Variants in PHF21A observed in about 807,000 individuals in gnomAD.
PHF21A encodes BHC80a.
PHF21A carries 11 observed loss-of-function variants against 82.5 expected under a neutral mutation model. The observed-to-expected ratio is 0.13, with a 90% CI of 0.08 to 0.22. PHF21A has a LOEUF of 0.22. PHF21A is among the 10% of genes least tolerant of loss of function. PHF21A has a pLI of 1.00. For synonymous variants in PHF21A, 297 were observed against 302.8 expected (o/e 0.98, Z 0.20); for missense variants, 579 against 837.8 (o/e 0.69, Z 3.81).
chr11:45,958,445 TATATAC>T (rs1270012302), intron 10 of PHF21A, among the ~76,000 whole-genome samples: 6 of 15,386 alleles, frequency 3.9e-4, no homozygotes, highest in Admixed American at 1.3e-3. Flanking sequence ...TATATATATA[TATATAC>T]ACACACACAC....
chr11:46,052,680 CATT>C (rs1342844275), intron 6 of PHF21A, among the ~76,000 whole-genome samples: 3 of 152,194 alleles, frequency 2.0e-5, no homozygotes, highest in South Asian at 2.1e-4. Context: ...GATAAGAAAA[CATT>C]ATATTTCTAC....
intron 17 of PHF21A, among the ~76,000 whole-genome samples, chr11:45,936,270 C>A (rs570920977): frequency 3.2e-4 from 48 of 152,200 alleles, no homozygotes; most frequent in African/African-American, 1.1e-3. Context: ...TACAGTGAGA[C>A]CTTGTCTCAA....
In PHF21A at chr11:45,971,221, G is replaced by A. The variant is rs1211900919; in HGVS notation, c.507C>T (p.Leu169=). ...VTAINSQKAV[L]STDVQNTPVN... ...CTGGTGTGTTCTGCACATCAGTGCT[G>A]AGCACAGCCTTCTGACTGTTGATGG... is the stretch of plus-strand genomic sequence containing the variant. The change falls in exon 8 of 19, where the codon CTC becomes CTT. Residue 169 remains leucine (L), a synonymous_variant. Transcript: ENST00000676320. 7 of 1,614,172 alleles carry A rather than the reference G, an allele frequency of 4.3e-6. No homozygotes were observed. The highest frequency in any genetic ancestry group is 1.7e-5 in the Admixed American group (1 of 60,020).
chr11:45,980,206 A>G (rs2094218591), intron 6 of PHF21A, among the ~76,000 whole-genome samples: 2 of 152,180 alleles, frequency 1.3e-5, no homozygotes, highest in South Asian at 4.1e-4. Flanking sequence ...CAAATGAAAA[A>G]TCTGAAGGAG....
chr11:46,037,131 T>C (rs923490101), intron 6 of PHF21A, among the ~76,000 whole-genome samples: 4 of 152,218 alleles, frequency 2.6e-5, no homozygotes, highest in African/African-American at 9.6e-5. Flanking sequence ...GACTCATTTT[T>C]TGGTTTTGTT....
At chr11:45,985,316 T>C (rs2094454489) in intron 6 of PHF21A, among the ~76,000 whole-genome samples, 1 of 152,262 alleles carries the variant, frequency 6.6e-6, no homozygotes. Flanking sequence ...GGGGATGTGT[T>C]ACTGTCATAA....
At chr11:46,091,961 C>T (rs9666859) in intron 2 of PHF21A, among the ~76,000 whole-genome samples, 152,342 of 152,346 alleles carry the variant, frequency 1, 76,169 homozygotes, top group Non-Finnish European at 1. Flanking sequence ...GGTTATCGAA[C>T]GGTGGAACAT....
At chr11:46,096,551 C>A (rs1280282885) in intron 1 of PHF21A, among the ~76,000 whole-genome samples, 1 of 152,066 alleles carries the variant, frequency 6.6e-6, no homozygotes, top group Non-Finnish European at 1.5e-5. Flanking sequence ...CTCATTTCTT[C>A]CTCCTCAAAA....
At chr11:45,991,580 G>A (rs540125720) in intron 6 of PHF21A, among the ~76,000 whole-genome samples, 21 of 152,122 alleles carry the variant, frequency 1.4e-4, no homozygotes, top group African/African-American at 4.1e-4. Context: ...ACATGCACGC[G>A]TGCACTTTTT....
intron 6 of PHF21A, among the ~76,000 whole-genome samples, chr11:46,038,090 T>C (rs929709899): frequency 5.9e-5 from 9 of 152,154 alleles, no homozygotes; most frequent in African/African-American, 2.2e-4. Flanking sequence ...CCTCCCTGTA[T>C]TGAGTTTACT....
At position 45,930,992 on chromosome 11, in the gene PHF21A, T is replaced by C. The variant is rs1030122232; in HGVS notation, c.*2976A>G. On this transcript the variant is annotated 3_prime_UTR_variant, in exon 19 of 19. Coordinates refer to ENST00000676320, the MANE Select transcript of PHF21A (RefSeq NM_001352027.3). ...GGGCCTCTTCTTTACAGTAAAGCAGTGTTTTGGAATTTGAGTGCAGAATGT... is the reference window on the plus strand; with the variant it reads ...GGGCCTCTTCTTTACAGTAAAGCAGCGTTTTGGAATTTGAGTGCAGAATGT... 6.9e-6 allele frequency: 1 copy of C among 145,084 alleles called. No homozygotes were observed. The highest frequency in any genetic ancestry group is 2.6e-5 in the African/African-American group (1 of 39,110). 9.0% of individuals were successfully genotyped at this position (145,084 alleles called of 1,614,324 possible). A position where few individuals can be genotyped will look rare whatever the true frequency, so the allele number is the denominator to read the frequency against.
intron 10 of PHF21A, among the ~76,000 whole-genome samples, chr11:45,957,578 T>G (rs1352848298): frequency 6.6e-6 from 1 of 150,892 alleles, no homozygotes; most frequent in Non-Finnish European, 1.5e-5. Flanking sequence ...AGAAAATACT[T>G]TGAGAGAAAT....
chr11:46,013,953 TTTATAATACCGTATAC>T (rs1565539726), intron 6 of PHF21A, among the ~76,000 whole-genome samples: 1 of 152,218 alleles, frequency 6.6e-6, no homozygotes, highest in African/African-American at 2.4e-5. Context: ...TACTCTAGAC[TTTATAATACCGTATAC>T]TTAGGCTACG....
intron 6 of PHF21A, among the ~76,000 whole-genome samples, chr11:45,990,300 C>T (rs1364004180): frequency 2.7e-5 from 4 of 146,112 alleles, no homozygotes; most frequent in Non-Finnish European, 4.5e-5. Flanking sequence ...ACTCTGTCCC[C>T]CAGGCTGGAG....
chr11:46,028,553 T>C (rs2095798749), intron 6 of PHF21A, among the ~76,000 whole-genome samples: 4 of 151,408 alleles, frequency 2.6e-5, no homozygotes, highest in African/African-American at 7.3e-5. Flanking sequence ...AATATTACTT[T>C]ATACTTTAAA....
At chr11:46,080,584 A>G (rs934109097) in intron 4 of PHF21A, among the ~76,000 whole-genome samples, 2 of 152,216 alleles carry the variant, frequency 1.3e-5, no homozygotes, top group African/African-American at 4.8e-5. Flanking sequence ...ACTATGTGTT[A>G]AAGTTCTTAA....
chr11:45,982,167 G>T (rs946447451), intron 6 of PHF21A, among the ~76,000 whole-genome samples: 2 of 151,944 alleles, frequency 1.3e-5, no homozygotes, highest in Non-Finnish European at 2.9e-5. Context: ...ATGTTGCCCA[G>T]GCTGGTCTCA....
At chr11:46,076,880 A>G in intron 5 of PHF21A, 61 bp from the exon 6 acceptor site, 1 of 1,349,958 alleles carries the variant, frequency 7.4e-7, no homozygotes. Context: ...GAATAGTAGC[A>G]GGAAGACTAT....
intron 6 of PHF21A, among the ~76,000 whole-genome samples, chr11:46,072,938 C>T (rs2096671401): frequency 1.3e-5 from 2 of 152,128 alleles, no homozygotes. Context: ...AGTGCTTTGG[C>T]TCCATATCAG....
Sources: allele counts gnomAD v4.1 joint callset (sites outside exome capture counted in the v4.1 genomes callset), GRCh38; gene constraint gnomAD v4.1.1; transcripts MANE v1.5; gene names NCBI Gene and HGNC (gene_info 2026-07-23, HGNC 2026-07-21).